The following NELL2 variants were observed in gnomAD, a reference collection of about 807,000 sequenced individuals.
The protein encoded by NELL2 is neural EGFL like 2, also known as protein kinase C-binding protein NELL2.
NELL2 carries 41 observed loss-of-function variants against 109.6 expected under a neutral mutation model. The ratio of observed to expected loss-of-function variants is 0.37; its 90% CI spans 0.29 to 0.49. NELL2 has a LOEUF of 0.49. Ranked by LOEUF, NELL2 falls within the 20% of genes least tolerant of loss-of-function variation. The pLI, the probability that NELL2 is intolerant of heterozygous loss-of-function variation, is 0.98. For missense variants in NELL2, 900 were observed against 1,008.3 expected (o/e 0.89, Z 1.45); for synonymous variants, 355 against 344.7 (o/e 1.03, Z -0.33).
chr12:44,576,870 T>A (rs1384895995), intron 15 of NELL2, among the ~76,000 whole-genome samples: 1 of 150,544 alleles, frequency 6.6e-6, no homozygotes, highest in Non-Finnish European at 1.5e-5. Context: ...ACAAAGGACA[T>A]GAACTCATCA....
chr12:44,684,530 T>C (rs1325556930), intron 12 of NELL2, among the ~76,000 whole-genome samples: 6 of 152,248 alleles, frequency 3.9e-5, no homozygotes, highest in Non-Finnish European at 8.8e-5. Flanking sequence ...TTTTGGATCT[T>C]TCCTGCTTTC....
intron 12 of NELL2, among the ~76,000 whole-genome samples, chr12:44,669,444 A>G (rs1316576219): frequency 1.3e-5 from 2 of 152,200 alleles, no homozygotes; most frequent in African/African-American, 2.4e-5. Context: ...AAAGAAAGAC[A>G]TTAGAGAAAC....
intron 12 of NELL2, among the ~76,000 whole-genome samples, chr12:44,690,173 T>C (rs913893473): frequency 1.3e-5 from 2 of 152,150 alleles, no homozygotes; most frequent in Non-Finnish European, 2.9e-5. Context: ...TTTCATAAGA[T>C]CCTCAGGTGG....
intron 13 of NELL2, among the ~76,000 whole-genome samples, chr12:44,652,975 G>A (rs1217521458): frequency 6.6e-6 from 1 of 152,098 alleles, no homozygotes; most frequent in African/African-American, 2.4e-5. Flanking sequence ...TTCTTCTAAG[G>A]ACTCATGTGA....
intron 13 of NELL2, among the ~76,000 whole-genome samples, chr12:44,639,497 C>T (rs1946771459): frequency 6.6e-6 from 1 of 152,124 alleles, no homozygotes; most frequent in Non-Finnish European, 1.5e-5. Context: ...AATTCCTTTT[C>T]CTTACTACTC....
chr12:44,656,632 T>C (rs1947510851), intron 13 of NELL2, among the ~76,000 whole-genome samples: 2 of 152,264 alleles, frequency 1.3e-5, no homozygotes, highest in Non-Finnish European at 2.9e-5. Flanking sequence ...TTAATGTTTT[T>C]GTGAAAGCTG....
chr12:44,622,161 T>C (rs1946084022), intron 13 of NELL2, among the ~76,000 whole-genome samples: 1 of 152,148 alleles, frequency 6.6e-6, no homozygotes, highest in South Asian at 2.1e-4. Context: ...TCTCAGAGCA[T>C]TGTACATCTA....
At chr12:44,771,856 C>T (rs772698922) in intron 9 of NELL2, among the ~76,000 whole-genome samples, 5 of 152,200 alleles carry the variant, frequency 3.3e-5, no homozygotes, top group Non-Finnish European at 7.3e-5. Flanking sequence ...AATGCGCAAA[C>T]AACTCCGATG....
At chr12:44,771,011 TA>T (rs1941525348) in intron 9 of NELL2, among the ~76,000 whole-genome samples, 1 of 151,788 alleles carries the variant, frequency 6.6e-6, no homozygotes, top group South Asian at 2.1e-4. Context: ...TATTTTCTGA[TA>T]ATTTTTTTTT....
chr12:44,618,870 C>T (rs909174027), intron 13 of NELL2, among the ~76,000 whole-genome samples: 1 of 152,142 alleles, frequency 6.6e-6, no homozygotes, highest in African/African-American at 2.4e-5. Context: ...GCATTATCCT[C>T]TTTAGTCTTC....
At chr12:44,819,190 A>T (rs1296576157) in intron 2 of NELL2, among the ~76,000 whole-genome samples, 1 of 152,224 alleles carries the variant, frequency 6.6e-6, no homozygotes, top group Non-Finnish European at 1.5e-5. Context: ...AACATGGTGA[A>T]GGAAACTGTA....
Position 44,742,296 on chromosome 12 carries a change from A to G in NELL2, c.995-27555T>C, listed in dbSNP as rs146211667. Among the ~76,000 whole-genome samples, 325 of 152,322 alleles carry G rather than the reference A, an allele frequency of 2.1e-3. 1 individual carries two copies. The highest frequency in any genetic ancestry group is 7.6e-3 in the African/African-American group (316 of 41,568). On this transcript the variant is annotated intron_variant, in intron 9 of 19. Transcript: ENST00000429094. ...AACAAACAGAAAGGACATCCACACC[A>G]AAAACCCATCTGTACATCACCATCA...
At chr12:44,791,182 T>TCATATATA (rs1357908715) in intron 3 of NELL2, among the ~76,000 whole-genome samples, 1 of 18,892 alleles carries the variant, frequency 5.3e-5, no homozygotes, top group African/African-American at 1.9e-4. Flanking sequence ...TAGTATTCCA[T>TCATATATA]CATATATATA....
intron 13 of NELL2, among the ~76,000 whole-genome samples, chr12:44,613,041 T>C (rs1478669190): frequency 6.6e-6 from 1 of 152,038 alleles, no homozygotes; most frequent in Non-Finnish European, 1.5e-5. Flanking sequence ...AATGCATCCA[T>C]GCCTTTACAT....
intron 1 of NELL2, among the ~76,000 whole-genome samples, chr12:44,898,062 T>A (rs1258117192): frequency 6.6e-6 from 1 of 152,108 alleles, no homozygotes; most frequent in African/African-American, 2.4e-5. Flanking sequence ...GACTACCACT[T>A]TAGATTCTGG....
intron 15 of NELL2, among the ~76,000 whole-genome samples, chr12:44,535,617 G>C (rs1016479937): frequency 7.0e-4 from 107 of 151,874 alleles, no homozygotes; most frequent in African/African-American, 2.5e-3. Flanking sequence ...CAGTGATATG[G>C]TATGTAGGTG....
rs550423706 is a variant in NELL2 at position 44,539,332 on chromosome 12, A to G, written c.1664-6611T>C. Among the ~76,000 whole-genome samples the G allele has an allele frequency of 4.9e-4, 74 of 152,294 alleles. No individual in the cohort carries two copies. In the South Asian group the frequency reaches 5.8e-3, roughly 12 times the overall value. On this transcript the variant is annotated intron_variant, in intron 15 of 19. Transcript: ENST00000429094. ...TTGGTGGACTTCTCAGCAACACAAC[A>G]CAACAAAACAGAACAAAACAAAACA...
intron 1 of NELL2, among the ~76,000 whole-genome samples, chr12:44,911,391 C>T (rs182262029): frequency 2.6e-5 from 4 of 151,860 alleles, no homozygotes; most frequent in South Asian, 2.1e-4. Flanking sequence ...ATATATTTCT[C>T]GGGGAAACCA....
intron 9 of NELL2, among the ~76,000 whole-genome samples, chr12:44,723,878 A>G (rs1214883032): frequency 6.6e-6 from 1 of 152,082 alleles, no homozygotes; most frequent in Non-Finnish European, 1.5e-5. Context: ...CAACCCAGCA[A>G]TCCCACTACT....
Sources: allele counts gnomAD v4.1 joint callset (sites outside exome capture counted in the v4.1 genomes callset), GRCh38; gene constraint gnomAD v4.1.1; transcripts MANE v1.5; gene names NCBI Gene and HGNC (gene_info 2026-07-23, HGNC 2026-07-21).